Variants in DLG2 observed in about 807,000 individuals in gnomAD.
DLG2 encodes discs large MAGUK scaffold protein 2.
In DLG2, 45 loss-of-function variants were observed where a neutral mutation model predicts 132.5. The ratio of observed to expected loss-of-function variants is 0.34; its 90% CI spans 0.27 to 0.44. The LOEUF (loss-of-function observed/expected upper bound fraction) is 0.44. Among genes scored for constraint, DLG2 ranks in the 20% least tolerant of loss-of-function variants. DLG2 has a pLI of 1.00. For synonymous variants in DLG2, 424 were observed against 419.6 expected (o/e 1.01, Z -0.13); for missense variants, 1,045 against 1,196.9 (o/e 0.87, Z 1.87).
chr11:84,511,552 G>T (rs1279521230), intron 7 of DLG2, among the ~76,000 whole-genome samples: 1 of 152,082 alleles, frequency 6.6e-6, no homozygotes, highest in African/African-American at 2.4e-5. Context: ...TCCATTAAGT[G>T]ATTCAACTTA....
chr11:85,170,394 G>T (rs929612903), intron 4 of DLG2, among the ~76,000 whole-genome samples: 8 of 152,150 alleles, frequency 5.3e-5, no homozygotes, highest in Admixed American at 2.6e-4. Flanking sequence ...CAGGTTTCAT[G>T]CTTGCTTTGG....
chr11:83,982,073 T>C (rs1215659611), intron 11 of DLG2, among the ~76,000 whole-genome samples: 2 of 152,184 alleles, frequency 1.3e-5, no homozygotes, highest in African/African-American at 4.8e-5. Flanking sequence ...GCAGTGTAAA[T>C]GAACCTACTG....
chr11:83,755,545 ACT>A (rs1180998317), intron 18 of DLG2, among the ~76,000 whole-genome samples: 3 of 151,378 alleles, frequency 2.0e-5, no homozygotes, highest in Admixed American at 6.6e-5. Flanking sequence ...CTCAAAAAAC[ACT>A]GTTTTGATTT....
chr11:83,585,988 G>C (rs61519522), intron 19 of DLG2, among the ~76,000 whole-genome samples: 33,583 of 152,144 alleles, frequency 0.22, 3,850 homozygotes, highest in Non-Finnish European at 0.24. Flanking sequence ...GCAAATAAAA[G>C]CCAACCTTCT....
At chr11:84,695,283 G>A (rs2058504430) in intron 6 of DLG2, among the ~76,000 whole-genome samples, 1 of 151,488 alleles carries the variant, frequency 6.6e-6, no homozygotes, top group Non-Finnish European at 1.5e-5. Context: ...GCTGGCAGAG[G>A]TAAGACTTAA....
intron 7 of DLG2, among the ~76,000 whole-genome samples, chr11:84,336,325 T>C (rs778138417): frequency 2.0e-5 from 3 of 152,240 alleles, no homozygotes; most frequent in Non-Finnish European, 4.4e-5. Context: ...CATCTCTCCC[T>C]GTTCCCCAAT....
chr11:84,201,803 A>ATT (rs2096597403), intron 8 of DLG2, among the ~76,000 whole-genome samples: 2 of 78,146 alleles, frequency 2.6e-5, no homozygotes, highest in Non-Finnish European at 5.2e-5. Flanking sequence ...AGAAGAAACT[A>ATT]TTTTCTTTTT....
At chr11:84,514,078 G>A (rs908697199) in intron 7 of DLG2, among the ~76,000 whole-genome samples, 1 of 152,020 alleles carries the variant, frequency 6.6e-6, no homozygotes, top group African/African-American at 2.4e-5. Context: ...TGACAAACAG[G>A]CCTATGGAAA....
At chr11:85,470,783 C>T (rs1164614119) in intron 3 of DLG2, among the ~76,000 whole-genome samples, 1 of 152,090 alleles carries the variant, frequency 6.6e-6, no homozygotes, top group Non-Finnish European at 1.5e-5. Context: ...GCTTTCTGAG[C>T]AAATTTTACC....
At chr11:83,707,044 C>G (rs547815274) in intron 18 of DLG2, among the ~76,000 whole-genome samples, 1 of 152,318 alleles carries the variant, frequency 6.6e-6, no homozygotes, top group Non-Finnish European at 1.5e-5. Flanking sequence ...TGAAGTAGGT[C>G]ATACTTTTAT....
At chr11:85,565,251 T>C (rs921743316) in intron 3 of DLG2, among the ~76,000 whole-genome samples, 1 of 152,072 alleles carries the variant, frequency 6.6e-6, no homozygotes, top group African/African-American at 2.4e-5. Flanking sequence ...CTCTAGCCAG[T>C]GATGAGAAGT....
intron 3 of DLG2, among the ~76,000 whole-genome samples, chr11:85,597,056 A>G (rs1278125228): frequency 6.6e-6 from 1 of 152,252 alleles, no homozygotes; most frequent in Non-Finnish European, 1.5e-5. Flanking sequence ...TAATTTTACT[A>G]GAGAAATTCA....
At chr11:84,798,001 T>G (rs1249296576) in intron 6 of DLG2, among the ~76,000 whole-genome samples, 1 of 152,158 alleles carries the variant, frequency 6.6e-6, no homozygotes, top group African/African-American at 2.4e-5. Context: ...CTTGCTCTCT[T>G]GCTCTCTTCA....
intron 7 of DLG2, among the ~76,000 whole-genome samples, chr11:84,494,559 G>A (rs922257420): frequency 1.3e-5 from 2 of 152,176 alleles, no homozygotes; most frequent in Admixed American, 1.3e-4. Flanking sequence ...GTAGTGGGCT[G>A]TAGCCTGGGC....
chr11:84,136,633 T>C (rs779850967), intron 9 of DLG2, among the ~76,000 whole-genome samples: 2 of 152,174 alleles, frequency 1.3e-5, no homozygotes, highest in Non-Finnish European at 2.9e-5. Context: ...AGGACGTGAC[T>C]GGCTAGAACT....
intron 3 of DLG2, among the ~76,000 whole-genome samples, chr11:85,324,458 T>C (rs564748060): frequency 1.3e-5 from 2 of 152,148 alleles, no homozygotes; most frequent in African/African-American, 4.8e-5. Flanking sequence ...CTTTAAGATT[T>C]TCATCAAAAA....
intron 9 of DLG2, among the ~76,000 whole-genome samples, chr11:84,131,913 T>C (rs1411885120): frequency 1.3e-5 from 2 of 151,976 alleles, no homozygotes; most frequent in Admixed American, 6.6e-5. Context: ...TCTGGCCATA[T>C]ATGTATGTGA....
chr11:84,383,552 T>C (rs1403928454), intron 7 of DLG2, among the ~76,000 whole-genome samples: 3 of 152,124 alleles, frequency 2.0e-5, no homozygotes, highest in African/African-American at 7.2e-5. Context: ...GAGACTCTCA[T>C]GTTGGCCTTA....
At chr11:83,639,372 C>T (rs896737398) in intron 18 of DLG2, among the ~76,000 whole-genome samples, 5 of 152,114 alleles carry the variant, frequency 3.3e-5, no homozygotes, top group African/African-American at 1.2e-4. Flanking sequence ...TTTCTTAATC[C>T]AGCCTATCAT....
Sources: gnomAD v4.1 joint callset for allele counts (sites outside exome capture counted in the v4.1 genomes callset) on GRCh38, gnomAD v4.1.1 for gene constraint, MANE v1.5 for transcripts, NCBI Gene and HGNC (gene_info 2026-07-23, HGNC 2026-07-21) for gene names.